The following KCNAB2 variants were observed in gnomAD, a reference collection of about 807,000 sequenced individuals.
KCNAB2 encodes voltage-gated potassium channel subunit beta-2.
In KCNAB2, 29 loss-of-function variants were observed where a neutral mutation model predicts 63.6. The ratio of observed to expected loss-of-function variants is 0.46; its 90% confidence interval spans 0.34 to 0.62. KCNAB2 has a LOEUF of 0.62. KCNAB2 is among the 20% of genes least tolerant of loss of function. The pLI, the probability that KCNAB2 is intolerant of heterozygous loss-of-function variation, is 0.01. For missense variants in KCNAB2, 359 were observed against 563.9 expected, an observed-to-expected ratio of 0.64 and a Z score of 3.68; for synonymous variants, 222 against 224.2, an observed-to-expected ratio of 0.99 and a Z score of 0.09.
intron 2 of KCNAB2, among the ~76,000 whole-genome samples, chr1:6,070,214 G>A (rs1384672766): frequency 1.6e-4 from 24 of 152,288 alleles, no homozygotes; most frequent in Middle Eastern, 3.4e-3. Context: ...GAGGGCATTC[G>A]TATCTAGGCA....
chr1:6,004,260 T>C (rs1375328254), intron 1 of KCNAB2, among the ~76,000 whole-genome samples: 1 of 151,624 alleles, frequency 6.6e-6, no homozygotes, highest in African/African-American at 2.4e-5. Context: ...ACGATCTTGC[T>C]GTGTTACCGA....
At chr1:6,095,660 G>T (rs1171971920) in intron 13 of KCNAB2, 36 bp downstream of exon 13, 1 of 1,598,906 alleles carries the variant, frequency 6.3e-7, no homozygotes, top group Non-Finnish European at 8.6e-7. Context: ...GACGGGCAGG[G>T]GATAGGCATT....
chr1:6,002,698 G>A (rs1035319741), intron 1 of KCNAB2, among the ~76,000 whole-genome samples: 1 of 152,336 alleles, frequency 6.6e-6, no homozygotes, highest in Non-Finnish European at 1.5e-5. Flanking sequence ...AGAAGGCCAA[G>A]GTCCCTTGAG....
Position 6,095,352 on chromosome 1 carries a change from C to T in KCNAB2, c.762C>T (p.Asn254=), listed in dbSNP as rs765795686. ...MEAYSVARQF[N]LTPPICEQAE... ...CCTACTCCGTGGCCCGGCAGTTCAACCTGACCCCGCCCATCTGCGAGCAGG... is the reference window on the plus strand; with the variant it reads ...CCTACTCCGTGGCCCGGCAGTTCAATCTGACCCCGCCCATCTGCGAGCAGG... Residue 254 remains asparagine (N), a synonymous_variant, in exon 12 of 16, where the codon AAC becomes AAT. Coordinates refer to ENST00000378083, the MANE Select transcript of KCNAB2 (RefSeq NM_001199862.2). The T allele has an allele frequency of 3.7e-6, 6 of 1,612,974 alleles. No homozygotes were observed. Among genetic ancestry groups the T allele is most frequent in the Admixed American group, 1.7e-5 (1 of 60,030 alleles).
chr1:6,006,711 C>G (rs1657810204), intron 1 of KCNAB2, among the ~76,000 whole-genome samples: 1 of 110,608 alleles, frequency 9.0e-6, no homozygotes, highest in Non-Finnish European at 2.0e-5. Flanking sequence ...CCACTTCACC[C>G]TCACTCCTCA....
chr1:6,020,323 C>T (rs1029970711), intron 1 of KCNAB2, among the ~76,000 whole-genome samples: 9 of 152,144 alleles, frequency 5.9e-5, no homozygotes, highest in South Asian at 2.1e-4. Flanking sequence ...AGGGCTGGCT[C>T]GGGATCTCGT....
At chr1:6,040,412 A>T (rs1660402691) in intron 1 of KCNAB2, 2 of 665,220 alleles carry the variant, frequency 3.0e-6, no homozygotes, top group African/African-American at 3.6e-5. Context: ...CCCTGAACCC[A>T]GACAGCCTCC....
chr1:5,994,808 G>A lies in KCNAB2; in HGVS notation c.-53+2020G>A, dbSNP rs910484608. Among the ~76,000 whole-genome samples, 2 of 152,162 alleles carry A rather than the reference G, an allele frequency of 1.3e-5. No individual in the cohort carries two copies. The highest frequency in any genetic ancestry group is 2.4e-5 in the African/African-American group (1 of 41,418). On this transcript the variant is annotated intron_variant, in intron 1 of 16. Coordinates refer to the KCNAB2 transcript ENST00000341524. This position sits in a 1 kb window ranked among gnomAD's most constrained non-coding sequence, Gnocchi z 5.4. ...CTGGCCAGCTAGAGAAGGCTTCCTC[G>A]CTTTCATTTTTCAGTCATCTTCTAA...
intron 1 of KCNAB2, among the ~76,000 whole-genome samples, chr1:6,038,244 T>C (rs1660215509): frequency 6.6e-6 from 1 of 152,032 alleles, no homozygotes; most frequent in East Asian, 1.9e-4. Flanking sequence ...CCTCTGAGGT[T>C]AGCATAGTGC....
intron 1 of KCNAB2, among the ~76,000 whole-genome samples, chr1:6,020,620 G>C (rs1440154592): frequency 1.3e-5 from 2 of 152,160 alleles, no homozygotes; most frequent in Non-Finnish European, 2.9e-5. Context: ...GGTGACAGGT[G>C]GGCCAGCCAG....
chr1:6,097,785 A>C, intron 15 of KCNAB2: 2 of 383,968 alleles, frequency 5.2e-6, no homozygotes, highest in Non-Finnish European at 9.3e-6. Flanking sequence ...AAAGGCCCAA[A>C]AAGGCCTGGA....
At position 6,099,859 on chromosome 1, in the gene KCNAB2, G is replaced by GC. The variant is rs1373894179; in HGVS notation, c.*1290dup. ...AGAGGGCAGGACAGGCCAGAGTGAC[G>GC]CCCCCGTGCAGCTTGGGCCGGAGGG... On this transcript the variant is annotated 3_prime_UTR_variant, in exon 16 of 16. Coordinates refer to ENST00000378083, the MANE Select transcript of KCNAB2 (RefSeq NM_001199862.2). The GC allele has an allele frequency of 3.9e-6, 6 of 1,548,368 alleles. No homozygotes were observed. In the African/African-American group the frequency reaches 5.5e-5, roughly 14 times the overall value.
At chr1:5,995,069 A>G (rs2102526465) in intron 1 of KCNAB2, among the ~76,000 whole-genome samples, 1 of 152,254 alleles carries the variant, frequency 6.6e-6, no homozygotes, top group South Asian at 2.1e-4. Context: ...GTCCTCGGCT[A>G]AGTTCTCAGT....
intron 1 of KCNAB2, among the ~76,000 whole-genome samples, chr1:6,021,870 G>T (rs541365752): frequency 1.3e-5 from 2 of 151,978 alleles, no homozygotes; most frequent in East Asian, 3.9e-4. Flanking sequence ...TGAGGGTATG[G>T]TTCAGTGGTA....
At chr1:6,080,980 G>A (rs888343537) in intron 4 of KCNAB2, among the ~76,000 whole-genome samples, 6 of 152,184 alleles carry the variant, frequency 3.9e-5, no homozygotes, top group Non-Finnish European at 4.4e-5. Context: ...CTGGGGAAGC[G>A]TGACACTCAG....
At chr1:6,088,037 CT>C (rs1463847464) in intron 7 of KCNAB2, among the ~76,000 whole-genome samples, 2 of 151,966 alleles carry the variant, frequency 1.3e-5, no homozygotes, top group African/African-American at 4.8e-5. Flanking sequence ...TTCATTCATT[CT>C]TTTTTTTATT....
At position 6,095,333 on chromosome 1, in the gene KCNAB2, C is replaced by G; in HGVS notation, c.743C>G (p.Ser248Cys). The G allele has an allele frequency of 6.2e-7, 1 of 1,612,664 alleles. No individual in the cohort carries two copies. Among genetic ancestry groups the G allele is most frequent in the Non-Finnish European group, 8.5e-7 (1 of 1,179,928 alleles). ...WSSMEIMEAY[S>C]VARQFNLTPP... Reference sequence around the variant, plus strand: ...TTTCTGCCTTCACAGGAGGCCTACTCCGTGGCCCGGCAGTTCAACCTGACC... The same window carrying G: ...TTTCTGCCTTCACAGGAGGCCTACTGCGTGGCCCGGCAGTTCAACCTGACC... The change falls in exon 12 of 16, where the codon TCC becomes TGC. Residue 248 changes from serine to cysteine, a missense_variant. Around this residue, in one of 2 missense-constraint regions of KCNAB2, gnomAD observed 271 missense variants for 476.1 expected, o/e 0.57. Transcript: ENST00000378083.
intron 1 of KCNAB2, among the ~76,000 whole-genome samples, chr1:6,021,437 A>T (rs962460061): frequency 6.6e-6 from 1 of 152,236 alleles, no homozygotes; most frequent in Non-Finnish European, 1.5e-5. Context: ...GTAAAGGTAC[A>T]TATAAAATGT....
chr1:6,030,914 TTGTA>T (rs1315160372), upstream of KCNAB2, among the ~76,000 whole-genome samples: 9 of 136,910 alleles, frequency 6.6e-5, no homozygotes, highest in South Asian at 1.7e-3. Flanking sequence ...ATAGGTATGT[TTGTA>T]TGTGTAGGGG....
Sources: allele counts gnomAD v4.1 joint callset (sites outside exome capture counted in the v4.1 genomes callset), GRCh38; gene constraint gnomAD v4.1.1; regional missense constraint gnomAD v4.1.1; non-coding constraint Gnocchi (gnomAD v3.1); transcripts MANE v1.5; gene names NCBI Gene and HGNC (gene_info 2026-07-23, HGNC 2026-07-21).